The following PLAG1 variants were observed in gnomAD, a reference collection of about 807,000 sequenced individuals.
The protein encoded by PLAG1 is PLAG1 zinc finger.
In PLAG1, 7 loss-of-function variants were observed where a neutral mutation model predicts 35.5. That is an observed-to-expected ratio of 0.20 (90% CI 0.11 to 0.37). The LOEUF (loss-of-function observed/expected upper bound fraction) is 0.37. PLAG1 is among the 10% of genes least tolerant of loss of function. The pLI, the probability that PLAG1 is intolerant of heterozygous loss-of-function variation, is 1.00. For missense variants in PLAG1, 454 were observed against 602.8 expected, an observed-to-expected ratio of 0.75 and a Z score of 2.58; for synonymous variants, 229 against 225.4, an observed-to-expected ratio of 1.02 and a Z score of -0.14.
In PLAG1 at chr8:56,163,679, A is replaced by G. The variant is rs2129223523; in HGVS notation, c.*2564T>C. On this transcript the variant is annotated 3_prime_UTR_variant, in exon 5 of 5. Coordinates refer to ENST00000316981, the MANE Select transcript of PLAG1 (RefSeq NM_002655.3). The stretch of plus-strand genomic sequence containing the variant: ...TAAGTATGTGTGTGTGTGTGTATAT[A>G]TACACACACACACACACACATACAC... The G allele has an allele frequency of 5.3e-6, 1 of 190,188 alleles. No individual in the cohort carries two copies. Among genetic ancestry groups the G allele is most frequent in the East Asian group, 8.3e-5 (1 of 12,088 alleles). 11.8% of individuals were successfully genotyped at this position (190,188 alleles called of 1,614,324 possible). A position where few individuals can be genotyped will look rare whatever the true frequency, so the allele number is the denominator to read the frequency against.
intron 1 of PLAG1, among the ~76,000 whole-genome samples, chr8:56,184,627 C>T (rs766111899): frequency 3.1e-4 from 47 of 152,140 alleles, no homozygotes; most frequent in Admixed American, 7.9e-4. Flanking sequence ...TAGCCGGGCA[C>T]GGTAGCTCAT....
At chr8:56,192,382 C>T (rs1812211024) in intron 1 of PLAG1, among the ~76,000 whole-genome samples, 1 of 152,180 alleles carries the variant, frequency 6.6e-6, no homozygotes, top group Admixed American at 6.5e-5. Context: ...TACCTACTCG[C>T]CAACAACTAG....
At chr8:56,189,261 T>C (rs1161416507) in intron 1 of PLAG1, among the ~76,000 whole-genome samples, 1 of 152,254 alleles carries the variant, frequency 6.6e-6, no homozygotes, top group African/African-American at 2.4e-5. Flanking sequence ...TGCTTTAAAT[T>C]TGAAAATTCT....
chr8:56,189,784 G>A (rs1812128903), intron 1 of PLAG1, among the ~76,000 whole-genome samples: 1 of 152,210 alleles, frequency 6.6e-6, no homozygotes, highest in Admixed American at 6.5e-5. Context: ...CTGCACAGGT[G>A]AGGCTGGAGA....
chr8:56,182,290 G>T (rs1160287920), intron 1 of PLAG1, among the ~76,000 whole-genome samples: 2 of 152,176 alleles, frequency 1.3e-5, no homozygotes, highest in East Asian at 3.8e-4. Context: ...CCACTTATGT[G>T]CCTAATAGTA....
chr8:56,189,620 A>G (rs1218111775), intron 1 of PLAG1, among the ~76,000 whole-genome samples: 1 of 152,236 alleles, frequency 6.6e-6, no homozygotes, highest in African/African-American at 2.4e-5. Flanking sequence ...AATTATTGAT[A>G]ATGCAAAACA....
chr8:56,178,480 T>G (rs1811772567), intron 2 of PLAG1, among the ~76,000 whole-genome samples: 1 of 152,222 alleles, frequency 6.6e-6, no homozygotes. Context: ...TACAGTATAC[T>G]GATAGCTAAA....
rs777394883 is a variant in PLAG1, at chr8:56,166,647, C to T, written c.1099G>A (p.Val367Met). The change falls in exon 5 of 5, where the codon GTG becomes ATG. Residue 367 changes from valine to methionine, a missense_variant. Physicochemically the swap from Val to Met is conservative, Grantham distance 21. This residue lies in a region of PLAG1 where 271 missense variants were observed against 315.6 expected (regional missense o/e 0.86). Coordinates refer to ENST00000316981, the MANE Select transcript of PLAG1 (RefSeq NM_002655.3). ...TGAGAATCTTGGGATGAAGAGGGCACGCCACCTTGTAACTCCATCAGGTAA... is the reference window on the plus strand; with the variant it reads ...TGAGAATCTTGGGATGAAGAGGGCATGCCACCTTGTAACTCCATCAGGTAA... ...ESYLMELQGGVPSSSQDSQAS... is the reference protein window; with the variant it reads ...ESYLMELQGGMPSSSQDSQAS... 43 of 1,613,944 alleles carry T rather than the reference C, an allele frequency of 2.7e-5. 1 individual carries two copies. Among genetic ancestry groups the T allele is most frequent in the South Asian group, 4.4e-5 (4 of 91,084 alleles).
At chr8:56,168,424 A>C in intron 3 of PLAG1, 38 bp from the exon 4 acceptor site, 1 of 1,031,124 alleles carries the variant, frequency 9.7e-7, no homozygotes, top group Non-Finnish European at 1.3e-6. Flanking sequence ...TTTGTAACTA[A>C]ACTCAATTTT....
chr8:56,198,219 G>A (rs576394715), intron 1 of PLAG1, among the ~76,000 whole-genome samples: 10 of 152,354 alleles, frequency 6.6e-5, no homozygotes, highest in Non-Finnish European at 1.3e-4. Flanking sequence ...AGGACAGCAC[G>A]TGGTCCTTGC....
Position 56,162,621 on chromosome 8 carries a change from T to C in PLAG1, c.*3622A>G, listed in dbSNP as rs1282340315. ...TTAGATTCATTTTGAAAGTGCTATATCTTGTAATATGTGTAGTATAGAGGT... is the reference window on the plus strand; with the variant it reads ...TTAGATTCATTTTGAAAGTGCTATACCTTGTAATATGTGTAGTATAGAGGT... On this transcript the variant is annotated 3_prime_UTR_variant, in exon 5 of 5. Coordinates refer to ENST00000316981, the MANE Select transcript of PLAG1 (RefSeq NM_002655.3). The C allele has an allele frequency of 1.4e-5, 3 of 210,624 alleles. No individual in the cohort carries two copies. The highest frequency in any genetic ancestry group is 2.9e-5 in the Non-Finnish European group (3 of 103,544). The allele number at this position is 210,624 out of a possible 1,614,324, so 13.0% of individuals were successfully genotyped here. A position where few individuals can be genotyped will look rare whatever the true frequency, so the allele number is the denominator to read the frequency against.
chr8:56,168,390 G>GAA lies in PLAG1; in HGVS notation c.-117-6_-117-5dup. 2.4e-6 allele frequency: 3 copies of GAA among 1,261,598 alleles called. No homozygotes were observed. The highest frequency in any genetic ancestry group is 2.8e-5 in the South Asian group (1 of 35,482). The allele number at this position is 1,261,598 out of a possible 1,614,324, so 78.2% of individuals were successfully genotyped here. A position where few individuals can be genotyped will look rare whatever the true frequency, so the allele number is the denominator to read the frequency against. The stretch of plus-strand genomic sequence containing the variant: ...CGTAAAAGAAAGCAAAAAGGGACTG[G>GAA]AAAAAAAAATAAGAAACAACTAGTT... On this transcript the variant is annotated splice_polypyrimidine_tract_variant and splice_region_variant and intron_variant, in intron 3 of 4. Coordinates refer to ENST00000316981, the MANE Select transcript of PLAG1 (RefSeq NM_002655.3).
At position 56,210,570 on chromosome 8, in the gene PLAG1, G is replaced by GC. The variant is rs1220433577; in HGVS notation, c.-322+550dup. 5.9e-5 allele frequency among the ~76,000 whole-genome samples: 9 copies of GC among 152,260 alleles called. 1 individual carries two copies. In the Middle Eastern group the frequency reaches 0.014, roughly 230 times the overall value. On this transcript the variant is annotated intron_variant, in intron 1 of 4. Coordinates refer to ENST00000316981, the MANE Select transcript of PLAG1 (RefSeq NM_002655.3). ...AAAGTTACCCCAAGTCACTCAAAGTGCCCCCCAAATATTGCCGACTGCGGG... is the reference window on the plus strand; with the variant it reads ...AAAGTTACCCCAAGTCACTCAAAGTGCCCCCCCAAATATTGCCGACTGCGGG...
At chr8:56,192,908 G>C (rs977896647) in intron 1 of PLAG1, among the ~76,000 whole-genome samples, 1 of 151,232 alleles carries the variant, frequency 6.6e-6, no homozygotes, top group Admixed American at 6.6e-5. Context: ...AAACACAAAA[G>C]ACAAAAAACC....
chr8:56,184,760 T>C (rs1354357162), intron 1 of PLAG1, among the ~76,000 whole-genome samples: 1 of 152,010 alleles, frequency 6.6e-6, no homozygotes, highest in African/African-American at 2.4e-5. Flanking sequence ...CTACTGAAAA[T>C]ACAAAAATTA....
chr8:56,173,928 A>C (rs1489968220), intron 2 of PLAG1, among the ~76,000 whole-genome samples: 1 of 152,198 alleles, frequency 6.6e-6, no homozygotes, highest in Non-Finnish European at 1.5e-5. Context: ...CAGAGGGTCT[A>C]CTAAAATCAG....
chr8:56,209,045 G>A (rs1271282879), intron 1 of PLAG1, among the ~76,000 whole-genome samples: 1 of 152,126 alleles, frequency 6.6e-6, no homozygotes, highest in African/African-American at 2.4e-5. Context: ...TCACCACTCT[G>A]TAATTTTCAA....
At chr8:56,175,453 C>T (rs1461822364) in intron 2 of PLAG1, among the ~76,000 whole-genome samples, 1 of 152,160 alleles carries the variant, frequency 6.6e-6, no homozygotes, top group African/African-American at 2.4e-5. Flanking sequence ...CCTAACTCGC[C>T]TGAGTTTACA....
intron 1 of PLAG1, among the ~76,000 whole-genome samples, chr8:56,192,821 G>A (rs1411770671): frequency 2.6e-5 from 4 of 152,114 alleles, no homozygotes; most frequent in East Asian, 3.8e-4. Flanking sequence ...CTTACAGAGC[G>A]TGTAAAGAAT....
Sources: allele counts gnomAD v4.1 joint callset (sites outside exome capture counted in the v4.1 genomes callset), GRCh38; gene constraint gnomAD v4.1.1; regional missense constraint gnomAD v4.1.1; transcripts MANE v1.5; gene names NCBI Gene and HGNC (gene_info 2026-07-23, HGNC 2026-07-21).